Variants in EPHB1 observed in about 807,000 individuals in gnomAD.
EPHB1 encodes EPH receptor B1, also known as ephrin type-B receptor 1.
A neutral mutation model predicts 94.4 loss-of-function variants in EPHB1; 30 were observed. That is an observed-to-expected ratio of 0.32 (90% CI 0.24 to 0.43). The LOEUF (loss-of-function observed/expected upper bound fraction) is 0.43. Ranked by LOEUF, EPHB1 falls within the 20% of genes least tolerant of loss-of-function variation. EPHB1 has a pLI of 1.00. For synonymous variants in EPHB1, 522 were observed against 489.1 expected, an observed-to-expected ratio of 1.07 and a Z score of -0.89; for missense variants, 1,055 against 1,308.3, an observed-to-expected ratio of 0.81 and a Z score of 2.99.
intron 3 of EPHB1, among the ~76,000 whole-genome samples, chr3:135,054,042 C>T (rs9822538): frequency 0.26 from 12,262 of 47,506 alleles, 545 homozygotes; most frequent in African/African-American, 0.29. Context: ...TATATATATA[C>T]ACACACACAC....
chr3:135,115,800 G>A (rs1939675738), intron 4 of EPHB1, among the ~76,000 whole-genome samples: 1 of 152,164 alleles, frequency 6.6e-6, no homozygotes, highest in Non-Finnish European at 1.5e-5. Context: ...TGAATTGTAT[G>A]TAAAATGCCT....
intron 1 of EPHB1, among the ~76,000 whole-genome samples, chr3:134,823,306 CAGA>C (rs2036416652): frequency 1.3e-5 from 2 of 152,172 alleles, no homozygotes; most frequent in Admixed American, 1.3e-4. Context: ...ACAGTGAAGA[CAGA>C]AGGACAGGAG....
At position 134,870,307 on chromosome 3, in the gene EPHB1, T is replaced by G. The variant is rs570741641; in HGVS notation, c.59-55509T>G. Among the ~76,000 whole-genome samples the G allele has an allele frequency of 5.3e-5, 8 of 152,178 alleles. No individual in the cohort carries two copies. The South Asian group carries it at 1.7e-3, about 32-fold the overall frequency. ...GACACCCCGGGCAGAGTTCATAAGG[T>G]CAGGGTGGGGTTGTTAGGAAAGCAT... On this transcript the variant is annotated intron_variant, in intron 1 of 15. Transcript: ENST00000398015.
chr3:135,258,186 A>T (rs1280184731), intron 15 of EPHB1, among the ~76,000 whole-genome samples: 2 of 152,136 alleles, frequency 1.3e-5, no homozygotes, highest in African/African-American at 4.8e-5. Context: ...TCACGCTGGG[A>T]GCTGTAGACT....
At chr3:135,250,243 T>C (rs2107732287) in intron 15 of EPHB1, among the ~76,000 whole-genome samples, 1 of 152,298 alleles carries the variant, frequency 6.6e-6, no homozygotes, top group South Asian at 2.1e-4. Flanking sequence ...CATTTAAAAT[T>C]ATTAAATACC....
At chr3:134,860,160 C>CACACACAG (rs1300748983) in intron 1 of EPHB1, among the ~76,000 whole-genome samples, 34 of 131,634 alleles carry the variant, frequency 2.6e-4, no homozygotes, top group East Asian at 1.6e-3. Context: ...GACACACACA[C>CACACACAG]ACACACACAC....
intron 1 of EPHB1, among the ~76,000 whole-genome samples, chr3:134,877,436 T>C (rs952615134): frequency 3.9e-5 from 6 of 152,186 alleles, no homozygotes; most frequent in African/African-American, 1.4e-4. Context: ...CTCTTTGTTT[T>C]TGAACACCTG....
intron 12 of EPHB1, among the ~76,000 whole-genome samples, chr3:135,238,153 G>C (rs1243042860): frequency 2.0e-5 from 3 of 152,322 alleles, no homozygotes; most frequent in African/African-American, 7.2e-5. Context: ...TGTTTGAAAA[G>C]ATGGAAGGAA....
chr3:134,887,267 A>G (rs1237976623), intron 1 of EPHB1, among the ~76,000 whole-genome samples: 1 of 152,152 alleles, frequency 6.6e-6, no homozygotes, highest in African/African-American at 2.4e-5. Context: ...AGTAGACTCC[A>G]CTGGACTTCT....
chr3:134,852,162 C>T (rs1009229467), intron 1 of EPHB1, among the ~76,000 whole-genome samples: 20 of 152,264 alleles, frequency 1.3e-4, no homozygotes, highest in Admixed American at 7.8e-4. Flanking sequence ...TCGTTCCATC[C>T]ACATGTCCCC....
At chr3:135,099,586 A>T (rs1938956684) in intron 3 of EPHB1, among the ~76,000 whole-genome samples, 1 of 152,154 alleles carries the variant, frequency 6.6e-6, no homozygotes, top group African/African-American at 2.4e-5. Context: ...CCTTCTAGGG[A>T]GTTTCACCAG....
At chr3:135,076,260 T>TATATATATATAAAA (rs1424213544) in intron 3 of EPHB1, among the ~76,000 whole-genome samples, 1 of 104,350 alleles carries the variant, frequency 9.6e-6, no homozygotes, top group African/African-American at 3.6e-5. Context: ...TATATATATA[T>TATATATATATAAAA]AACTCTTAAA....
At chr3:135,034,971 G>A (rs1003786256) in intron 3 of EPHB1, among the ~76,000 whole-genome samples, 7 of 152,232 alleles carry the variant, frequency 4.6e-5, no homozygotes, top group Non-Finnish European at 1.0e-4. Flanking sequence ...GAAACCTTGA[G>A]TATGAAAGGC....
intron 3 of EPHB1, among the ~76,000 whole-genome samples, chr3:135,016,651 C>T (rs1935804999): frequency 6.6e-6 from 1 of 152,210 alleles, no homozygotes. Flanking sequence ...CAGGATCAGG[C>T]CTAAAGACCC....
chr3:134,971,876 C>A (rs1933982447), intron 3 of EPHB1, among the ~76,000 whole-genome samples: 1 of 152,116 alleles, frequency 6.6e-6, no homozygotes, highest in South Asian at 2.1e-4. Flanking sequence ...GGCTAAAATT[C>A]TTTTTTGATA....
chr3:134,851,493 T>G (rs2036983968), intron 1 of EPHB1, among the ~76,000 whole-genome samples: 1 of 152,104 alleles, frequency 6.6e-6, no homozygotes, highest in African/African-American at 2.4e-5. Context: ...GCAGCTTCCC[T>G]TCTTTCTGTA....
In EPHB1 at chr3:135,188,185, C is replaced by T. The variant is rs139435833; in HGVS notation, c.1883-4391C>T. 6.2e-4 allele frequency among the ~76,000 whole-genome samples: 91 copies of T among 147,124 alleles called. 1 individual carries two copies. The highest frequency in any genetic ancestry group is 6.8e-3 in the Middle Eastern group (2 of 294). ...CTGTACTACAGCCTGGGCAACAGAG[C>T]GAGACTGTCTAAAAAAATAAATAAA... On this transcript the variant is annotated intron_variant, in intron 10 of 15. Transcript: ENST00000398015.
chr3:135,224,651 A>G (rs945235835), intron 12 of EPHB1, among the ~76,000 whole-genome samples: 2 of 152,158 alleles, frequency 1.3e-5, no homozygotes, highest in South Asian at 2.1e-4. Flanking sequence ...CTGCCCCCCA[A>G]TTTCAGCATC....
At chr3:135,252,974 G>A in intron 15 of EPHB1, among the ~76,000 whole-genome samples, 1 of 150,514 alleles carries the variant, frequency 6.6e-6, no homozygotes, top group East Asian at 2.0e-4. Flanking sequence ...CAGTGATGGT[G>A]AGCATTTTTT....
Sources: allele counts gnomAD v4.1 joint callset (sites outside exome capture counted in the v4.1 genomes callset), GRCh38; gene constraint gnomAD v4.1.1; transcripts MANE v1.5; gene names NCBI Gene and HGNC (gene_info 2026-07-23, HGNC 2026-07-21).